TTLL12: variants seen among roughly 807,000 people sequenced by gnomAD.
The protein encoded by TTLL12 is tubulin tyrosine ligase like 12, also known as tubulin--tyrosine ligase-like protein 12.
Under a neutral mutation model 79.6 loss-of-function variants are expected in TTLL12, and 77 were observed. The ratio of observed to expected loss-of-function variants is 0.97; its 90% CI spans 0.81 to 1.17. TTLL12 has a LOEUF of 1.17. TTLL12 is among the 50% of genes most tolerant of loss of function. The pLI is 0.00. For missense variants in TTLL12, 969 were observed against 895.9 expected (o/e 1.08, Z -1.04); for synonymous variants, 437 against 376.1 (o/e 1.16, Z -1.87).
At chr22:43,186,846 G>A in intron 1 of TTLL12, 47 bp downstream of exon 1, 1 of 1,238,978 alleles carries the variant, frequency 8.1e-7, no homozygotes, top group Non-Finnish European at 1.0e-6. Context: ...GGCTCCCGCC[G>A]CGCTCCCACC....
At chr22:43,186,359 A>G (rs1328393645) in intron 1 of TTLL12, among the ~76,000 whole-genome samples, 1 of 152,202 alleles carries the variant, frequency 6.6e-6, no homozygotes, top group Non-Finnish European at 1.5e-5. Context: ...GAGGCTTCTC[A>G]ATCTTTTCCA....
At chr22:43,179,773 C>T in intron 4 of TTLL12, 21 bp from the exon 5 acceptor site, 1 of 1,549,098 alleles carries the variant, frequency 6.5e-7, no homozygotes, top group Non-Finnish European at 8.7e-7. Flanking sequence ...ACATGAGTGC[C>T]CATCAGAGGG....
In TTLL12 at chr22:43,179,822, G is replaced by A. The variant is rs201807385; in HGVS notation, c.706+19C>T. On this transcript the variant is annotated intron_variant, in intron 4 of 13. Transcript: ENST00000216129. Reference sequence around the variant, plus strand: ...TGGGCTGAGGCCCCTCCTCCAGGGCGGGCAGGTGCTGGACTTACCGCCAGT... The same window carrying A: ...TGGGCTGAGGCCCCTCCTCCAGGGCAGGCAGGTGCTGGACTTACCGCCAGT... 6.6e-5 allele frequency: 103 copies of A among 1,562,110 alleles called. 1 individual carries two copies. The highest frequency in any genetic ancestry group is 5.8e-5 in the South Asian group (5 of 85,618).
Position 43,173,811 on chromosome 22 carries a change from GTGGTTGTCCT to G in TTLL12, c.1235_1244del (p.Glu412AlafsTer66), listed in dbSNP as rs775825892. The G allele has an allele frequency of 2.9e-5, 46 of 1,604,122 alleles. No individual in the cohort carries two copies. Among genetic ancestry groups the G allele is most frequent in the Non-Finnish European group, 3.8e-5 (45 of 1,179,898 alleles). On this transcript the variant is annotated frameshift_variant, in exon 9 of 14. Transcript: ENST00000216129. LOFTEE classifies it high-confidence loss of function. ...CCAGGTTCCAGGGCTTGCAGATCCA[GTGGTTGTCCT>G]CGCCCCTGGGGAGCAGAAGGGCTGT...
rs904821112 is a variant in TTLL12, at chr22:43,187,062, G to T, written c.8C>A (p.Ala3Asp). Residue 3 changes from alanine (A) to aspartate (D), a missense_variant, in exon 1 of 14, where the codon GCC becomes GAC. Transcript: ENST00000216129. ME[A>D]ERGPERRPAE... ...AGGCCGGCGCTCGGGACCCCGCTCG[G>T]CCTCCATGGCGCCAGCACCCGCGCC... 1.2e-5 allele frequency: 14 copies of T among 1,177,596 alleles called. No homozygotes were observed. Among genetic ancestry groups the T allele is most frequent in the Middle Eastern group, 6.8e-4 (2 of 2,940 alleles). The allele number at this position is 1,177,596 out of a possible 1,614,324, so 72.9% of individuals were successfully genotyped here. A position where few individuals can be genotyped will look rare whatever the true frequency, so the allele number is the denominator to read the frequency against.
At chr22:43,173,924 C>T in intron 8 of TTLL12, 98 bp from the exon 9 acceptor site, 1 of 1,159,254 alleles carries the variant, frequency 8.6e-7, no homozygotes, top group Non-Finnish European at 1.2e-6. Context: ...GCCCACTTCT[C>T]CTTGGGAGCT....
intron 6 of TTLL12, chr22:43,175,242 G>A (rs981019091): frequency 6.6e-6 from 1 of 152,386 alleles, no homozygotes; most frequent in Admixed American, 6.5e-5. Context: ...GGCTGAGGTG[G>A]AATCTGCTCT....
chr22:43,179,956 G>A lies in TTLL12; in HGVS notation c.591C>T (p.Phe197=), dbSNP rs776357499. Residue 197 remains phenylalanine (F), a synonymous_variant, in exon 4 of 14, where the codon TTC becomes TTT. Transcript: ENST00000216129. Reference sequence around the variant, plus strand: ...CGTCCGCGTGCTGGATCCGCGAACCGAACTCGTCCATGATATACCACACCG... The same window carrying A: ...CGTCCGCGTGCTGGATCCGCGAACCAAACTCGTCCATGATATACCACACCG... ...KMPVWYIMDE[F]GSRIQHADVP... is the part of the protein sequence containing the mutation. 137 of 1,609,804 alleles carry A rather than the reference G, an allele frequency of 8.5e-5. No individual in the cohort carries two copies. The highest frequency in any genetic ancestry group is 1.6e-4 in the South Asian group (15 of 91,012).
At chr22:43,171,268 C>A (rs1331714909) in intron 11 of TTLL12, among the ~76,000 whole-genome samples, 3 of 152,228 alleles carry the variant, frequency 2.0e-5, no homozygotes, top group Non-Finnish European at 4.4e-5. Flanking sequence ...GGTTTCTCGC[C>A]CCCACCTTGG....
At position 43,168,044 on chromosome 22, in the gene TTLL12, G is replaced by A. The variant is rs147704786; in HGVS notation, c.1899C>T (p.Asp633=). The A allele has an allele frequency of 2.1e-5, 34 of 1,614,130 alleles. No homozygotes were observed. The South Asian group carries it at 2.7e-4, about 13-fold the overall frequency. ...AGGTAACGTGGCAGCCACCGGGCTGGTCCAGAAACAAGGTGCTGAAGACGT... is the reference window on the plus strand; with the variant it reads ...AGGTAACGTGGCAGCCACCGGGCTGATCCAGAAACAAGGTGCTGAAGACGT... ...FNDVFSTLFL[D]QPGGCHVTCL... is the part of the protein sequence containing the mutation. The change falls in exon 14 of 14, where the codon GAC becomes GAT. Residue 633 remains aspartate, a synonymous_variant. Transcript: ENST00000216129.
At chr22:43,169,060 T>G in intron 12 of TTLL12, 148 bp from the exon 13 acceptor site, 1 of 1,068,618 alleles carries the variant, frequency 9.4e-7, no homozygotes, top group Non-Finnish European at 1.3e-6. Context: ...CATGGCCACC[T>G]CCGCCCAGCA....
intron 3 of TTLL12, among the ~76,000 whole-genome samples, chr22:43,180,221 T>C (rs1333874455): frequency 6.6e-6 from 1 of 151,858 alleles, no homozygotes; most frequent in Non-Finnish European, 1.5e-5. Flanking sequence ...TGAACACTCG[T>C]GGTAAAAGGG....
chr22:43,166,978 A>C lies in TTLL12; in HGVS notation c.*1030T>G. 1 of 325,532 alleles carries C rather than the reference A, an allele frequency of 3.1e-6. No individual in the cohort carries two copies. 20.2% of individuals were successfully genotyped at this position (325,532 alleles called of 1,614,324 possible). Reference sequence around the variant, plus strand: ...CACTGCCCGTGAGCTGGGCCCAGGCACACTGCAGCCACACAAAAACGCTGG... The same window carrying C: ...CACTGCCCGTGAGCTGGGCCCAGGCCCACTGCAGCCACACAAAAACGCTGG... On this transcript the variant is annotated 3_prime_UTR_variant, in exon 14 of 14. Coordinates refer to ENST00000216129, the MANE Select transcript of TTLL12 (RefSeq NM_015140.4).
chr22:43,176,336 G>C lies in TTLL12; in HGVS notation c.901C>G (p.His301Asp), dbSNP rs370892309. ...GCTACGCACTTGAAGATGTGGCCGTGGGGGTGCACCACGGGGTTGATGTCA... is the reference window on the plus strand; with the variant it reads ...GCTACGCACTTGAAGATGTGGCCGTCGGGGTGCACCACGGGGTTGATGTCA... ...PLDINPVVHP[H>D]GHIFKVYTDV... Residue 301 changes from histidine (H) to aspartate (D), a missense_variant, in exon 6 of 14, where the codon CAC (histidine) becomes GAC (aspartate). Transcript: ENST00000216129. 4.4e-6 allele frequency: 7 copies of C among 1,600,998 alleles called. No homozygotes were observed. Among genetic ancestry groups the C allele is most frequent in the Non-Finnish European group, 6.0e-6 (7 of 1,175,200 alleles).
chr22:43,185,870 T>C, intron 1 of TTLL12: 1 of 793,182 alleles, frequency 1.3e-6, no homozygotes, highest in Non-Finnish European at 1.5e-6. Context: ...AGCACAGGCC[T>C]GGGACCAGAG....
rs749687277 is a variant in TTLL12, at chr22:43,174,364, C to T, written c.1074G>A (p.Gln358=). 5.7e-6 allele frequency: 9 copies of T among 1,586,482 alleles called. No homozygotes were observed. Among genetic ancestry groups the T allele is most frequent in the Admixed American group, 5.2e-5 (3 of 57,816 alleles). ...CAGTCAGCAGGTTCTCGCAGGGGAA[C>T]TGGTTCAGCAGCACGCCTGGCCTCT... The part of the protein sequence containing the change: ...SQERPGVLLN[Q]FPCENLLTVK... Residue 358 remains glutamine, a synonymous_variant, in exon 8 of 14, where the codon CAG becomes CAA. Coordinates refer to ENST00000216129, the MANE Select transcript of TTLL12 (RefSeq NM_015140.4).
intron 5 of TTLL12, among the ~76,000 whole-genome samples, chr22:43,179,363 G>T (rs1053789117): frequency 6.6e-6 from 1 of 152,068 alleles, no homozygotes; most frequent in Non-Finnish European, 1.5e-5. Context: ...TCCCAAGGGA[G>T]CAGCGTGGAC....
chr22:43,179,823 G>GGCA lies in TTLL12; in HGVS notation c.706+15_706+17dup. On this transcript the variant is annotated intron_variant, in intron 4 of 13. Transcript: ENST00000216129. ...GGGCTGAGGCCCCTCCTCCAGGGCG[G>GGCA]GCAGGTGCTGGACTTACCGCCAGTG... The GGCA allele has an allele frequency of 6.4e-7, 1 of 1,562,974 alleles. No homozygotes were observed. The highest frequency in any genetic ancestry group is 8.7e-7 in the Non-Finnish European group (1 of 1,151,648).
chr22:43,172,474 G>A lies in TTLL12; in HGVS notation c.1422C>T (p.Ile474=), dbSNP rs746285212. ...GGGGCCTCACTGACCGCAGCAGCAC[G>A]ATGTAGCGGATGTCGAACTTGACCT... ...VGKVKFDIRY[I]VLLRSVRPLR... is the part of the protein sequence containing the mutation. Residue 474 remains isoleucine, a synonymous_variant, in exon 10 of 14, where the codon ATC becomes ATT. Coordinates refer to ENST00000216129, the MANE Select transcript of TTLL12 (RefSeq NM_015140.4). 14 of 1,614,048 alleles carry A rather than the reference G, an allele frequency of 8.7e-6. No homozygotes were observed. Among genetic ancestry groups the A allele is most frequent in the East Asian group, 2.2e-5 (1 of 44,900 alleles).
Sources: allele counts gnomAD v4.1 joint callset (sites outside exome capture counted in the v4.1 genomes callset), GRCh38; gene constraint gnomAD v4.1.1; transcripts MANE v1.5; gene names NCBI Gene and HGNC (gene_info 2026-07-23, HGNC 2026-07-21).